Variants in MYO5C observed in about 807,000 individuals in gnomAD.
MYO5C encodes the protein unconventional myosin-Vc.
In MYO5C, 194 loss-of-function variants were observed where a neutral mutation model predicts 235.7. That is an observed-to-expected ratio of 0.82 (90% CI 0.73 to 0.93). The LOEUF is 0.93. Ranked by LOEUF, MYO5C falls within the 40% of genes least tolerant of loss-of-function variation. The pLI is 0.00. For synonymous variants in MYO5C, 707 were observed against 754.8 expected (o/e 0.94, Z 1.04); for missense variants, 2,038 against 2,127.2 (o/e 0.96, Z 0.82).
At chr15:52,225,355 C>T (rs2035797345) in intron 26 of MYO5C, 84 bp downstream of exon 26, 1 of 1,242,936 alleles carries the variant, frequency 8.0e-7, no homozygotes, top group Non-Finnish European at 1.2e-6. Flanking sequence ...AAATTCATAC[C>T]AAAGGACACG....
intron 28 of MYO5C, 91 bp from the exon 29 acceptor site, chr15:52,223,815 G>T: frequency 8.6e-7 from 1 of 1,166,792 alleles, no homozygotes; most frequent in Non-Finnish European, 1.2e-6. Flanking sequence ...CACAACAAGA[G>T]CCGTGCACGA....
intron 38 of MYO5C, among the ~76,000 whole-genome samples, chr15:52,199,536 A>G (rs996376447): frequency 1.3e-5 from 2 of 152,140 alleles, no homozygotes; most frequent in African/African-American, 4.8e-5. Flanking sequence ...CCCCTCTGCT[A>G]TTCACTGGCC....
intron 10 of MYO5C, among the ~76,000 whole-genome samples, chr15:52,257,335 C>T (rs1349171865): frequency 6.6e-6 from 1 of 152,230 alleles, no homozygotes; most frequent in East Asian, 1.9e-4. Context: ...TTCAGACTTT[C>T]ATCAGCTGCC....
intron 12 of MYO5C, 21 bp downstream of exon 12, chr15:52,253,296 A>G: frequency 6.3e-7 from 1 of 1,593,782 alleles, no homozygotes; most frequent in Non-Finnish European, 8.5e-7. Flanking sequence ...GCTGAAAAAA[A>G]CAATTATTCT....
chr15:52,198,726 C>T (rs1356235073), intron 38 of MYO5C, among the ~76,000 whole-genome samples: 14 of 151,374 alleles, frequency 9.2e-5, no homozygotes, highest in Admixed American at 8.6e-4. Flanking sequence ...GGACTACAGG[C>T]GCCTGCCACC....
intron 21 of MYO5C, 112 bp downstream of exon 21, chr15:52,239,621 T>C: frequency 2.5e-6 from 3 of 1,181,444 alleles, no homozygotes; most frequent in Non-Finnish European, 3.5e-6. Flanking sequence ...CCACGTAAAC[T>C]GAACCTCCTA....
At chr15:52,275,462 C>A (rs933087529) in intron 5 of MYO5C, 100 bp downstream of exon 5, 3 of 1,470,080 alleles carry the variant, frequency 2.0e-6, no homozygotes, top group Non-Finnish European at 2.8e-6. Context: ...CTTCTTTAGT[C>A]TTTAAAGGGT....
chr15:52,267,416 T>C (rs900615542), intron 8 of MYO5C, among the ~76,000 whole-genome samples: 2 of 152,218 alleles, frequency 1.3e-5, no homozygotes, highest in Non-Finnish European at 2.9e-5. Context: ...CTGGACATGG[T>C]GGCTTATGCC....
At position 52,232,660 on chromosome 15, in the gene MYO5C, C is replaced by G. The variant is rs767038544; in HGVS notation, c.2988G>C (p.Gln996His). Residue 996 changes from glutamine to histidine, a missense_variant, in exon 24 of 41, where the codon CAG (glutamine) becomes CAC (histidine). Coordinates refer to ENST00000261839, the MANE Select transcript of MYO5C (RefSeq NM_018728.4). The part of the protein sequence containing the change: ...LKEKMDNLTK[Q>H]LFDDVQKEER... Reference sequence around the variant, plus strand: ...CTTCCTTTTGTACATCATCAAAGAGCTGCTTGGTGAGGTTGTCCATTTTTT... The same window carrying G: ...CTTCCTTTTGTACATCATCAAAGAGGTGCTTGGTGAGGTTGTCCATTTTTT... The G allele has an allele frequency of 6.2e-7, 1 of 1,613,530 alleles. No individual in the cohort carries two copies. The highest frequency in any genetic ancestry group is 2.2e-5 in the East Asian group (1 of 44,830).
chr15:52,221,337 CTTGGTGTTCAGCCT>C lies in MYO5C; in HGVS notation c.3628-96_3628-83del, dbSNP rs1286392298. ...AAATCTTAGAAGCAAACTGAACTAT[CTTGGTGTTCAGCCT>C]GCAGAACAGATAGCTGTGTAAAAGA... is the stretch of plus-strand genomic sequence containing the variant. On this transcript the variant is annotated intron_variant, in intron 29 of 40. Transcript: ENST00000261839. 71 of 982,420 alleles carry C rather than the reference CTTGGTGTTCAGCCT, an allele frequency of 7.2e-5. No individual in the cohort carries two copies. The East Asian group carries it at 1.7e-3, about 23-fold the overall frequency. The allele number at this position is 982,420 out of a possible 1,614,324, so 60.9% of individuals were successfully genotyped here. A position where few individuals can be genotyped will look rare whatever the true frequency, so the allele number is the denominator to read the frequency against.
chr15:52,265,907 A>C (rs2036799809), intron 8 of MYO5C, among the ~76,000 whole-genome samples: 4 of 152,204 alleles, frequency 2.6e-5, no homozygotes, highest in African/African-American at 9.6e-5. Context: ...GGAAGACTCC[A>C]GCTCCAGCTG....
At position 52,192,408 on chromosome 15, in the gene MYO5C, A is replaced by T. The variant is rs1271693403; in HGVS notation, c.*1494T>A. On this transcript the variant is annotated 3_prime_UTR_variant, in exon 41 of 41. Coordinates refer to ENST00000261839, the MANE Select transcript of MYO5C (RefSeq NM_018728.4). ...CAATGTATTGAAATGAACTAAACTC[A>T]ATCACTTATAATATAAAAAGACATT... 6.6e-6 allele frequency: 1 copy of T among 152,158 alleles called. No individual in the cohort carries two copies. The highest frequency in any genetic ancestry group is 2.4e-5 in the African/African-American group (1 of 41,422). The allele number at this position is 152,158 out of a possible 1,614,324, so 9.4% of individuals were successfully genotyped here.
intron 23 of MYO5C, among the ~76,000 whole-genome samples, chr15:52,233,930 G>C (rs2036024542): frequency 6.6e-6 from 1 of 151,522 alleles, no homozygotes; most frequent in East Asian, 1.9e-4. Flanking sequence ...TTTTTTTTTA[G>C]CCAACAGTTT....
At chr15:52,195,985 T>C (rs2035041088) in intron 39 of MYO5C, among the ~76,000 whole-genome samples, 1 of 79,046 alleles carries the variant, frequency 1.3e-5, no homozygotes, top group African/African-American at 3.6e-5. Context: ...TTTTTTTTTT[T>C]TTTTTTTTTG....
chr15:52,271,342 C>A (rs2036921159), intron 7 of MYO5C, among the ~76,000 whole-genome samples: 3 of 152,108 alleles, frequency 2.0e-5, no homozygotes, highest in Admixed American at 6.5e-5. Context: ...AATTCTTCTG[C>A]CTCAGCCTCC....
At chr15:52,235,345 G>A (rs8030428) in intron 23 of MYO5C, among the ~76,000 whole-genome samples, 104,173 of 152,088 alleles carry the variant, frequency 0.68, 39,137 homozygotes, top group Non-Finnish European at 0.84. Context: ...ACACGAATGC[G>A]CACACACAGA....
At chr15:52,244,879 G>A (rs940657315) in intron 18 of MYO5C, among the ~76,000 whole-genome samples, 3 of 152,240 alleles carry the variant, frequency 2.0e-5, no homozygotes, top group East Asian at 3.8e-4. Context: ...CCACATTGGA[G>A]TAGAAGAAAC....
At chr15:52,220,198 T>C (rs747792277) in intron 30 of MYO5C, among the ~76,000 whole-genome samples, 5 of 152,216 alleles carry the variant, frequency 3.3e-5, no homozygotes, top group Non-Finnish European at 7.3e-5. Context: ...TTTAAACATT[T>C]TTAAACCATC....
chr15:52,269,466 G>A (rs1379164164), intron 8 of MYO5C, among the ~76,000 whole-genome samples: 1 of 141,388 alleles, frequency 7.1e-6, no homozygotes, highest in Admixed American at 7.6e-5. Context: ...ATCTCGGCTC[G>A]ATGCAACCCT....
Sources: gnomAD v4.1 joint callset for allele counts (sites outside exome capture counted in the v4.1 genomes callset) on GRCh38, gnomAD v4.1.1 for gene constraint, MANE v1.5 for transcripts, NCBI Gene and HGNC (gene_info 2026-07-23, HGNC 2026-07-21) for gene names.